RRBP1: variants seen among roughly 807,000 people sequenced by gnomAD.
The protein encoded by RRBP1 is ribosome-binding protein 1.
Under a neutral mutation model 165.2 loss-of-function variants are expected in RRBP1, and 94 were observed. The ratio of observed to expected loss-of-function variants is 0.57; its 90% CI spans 0.48 to 0.68. RRBP1 has a LOEUF of 0.68. Among genes scored for constraint, RRBP1 ranks in the 30% least tolerant of loss-of-function variants. The probability of loss-of-function intolerance (pLI) is 0.00; values close to 1 mark genes in which losing one functional copy is unlikely to be tolerated. For missense variants in RRBP1, 1,676 were observed against 1,763.0 expected (o/e 0.95, Z 0.88); for synonymous variants, 680 against 714.5 (o/e 0.95, Z 0.77).
chr20:17,627,744 T>A lies in RRBP1; in HGVS notation c.2750-62A>T, dbSNP rs866732117. ...TGCAAACCCCAGGGGGTGTGGAGGATGCCCTCACTGCTGCCCTCTTAGCAC... is the reference window on the plus strand; with the variant it reads ...TGCAAACCCCAGGGGGTGTGGAGGAAGCCCTCACTGCTGCCCTCTTAGCAC... On this transcript the variant is annotated intron_variant, in intron 9 of 24. Transcript: ENST00000377813. 33 of 1,468,462 alleles carry A rather than the reference T, an allele frequency of 2.2e-5. No homozygotes were observed. In the African/African-American group the frequency reaches 3.2e-4, roughly 14 times the overall value. 91.0% of individuals were successfully genotyped at this position (1,468,462 alleles called of 1,614,324 possible).
chr20:17,635,239 G>A (rs986688391), intron 7 of RRBP1, among the ~76,000 whole-genome samples: 4 of 152,190 alleles, frequency 2.6e-5, no homozygotes, highest in Admixed American at 6.5e-5. Context: ...TGAGAACCCC[G>A]CTAGGCAGGT....
At chr20:17,626,737 A>G (rs2036028696) in intron 11 of RRBP1, among the ~76,000 whole-genome samples, 1 of 140,400 alleles carries the variant, frequency 7.1e-6, no homozygotes, top group Non-Finnish European at 1.6e-5. Flanking sequence ...CCGGCCCCTG[A>G]CTCGAGCCAC....
intron 16 of RRBP1, 59 bp from the exon 17 acceptor site, chr20:17,620,866 C>T: frequency 8.0e-7 from 1 of 1,246,730 alleles, no homozygotes; most frequent in Non-Finnish European, 1.1e-6. Flanking sequence ...CACCACACAA[C>T]CGCATCTTCC....
intron 5 of RRBP1, among the ~76,000 whole-genome samples, chr20:17,637,397 A>T (rs2036267676): frequency 6.6e-6 from 1 of 152,030 alleles, no homozygotes; most frequent in Non-Finnish European, 1.5e-5. Context: ...CTCAACCAGA[A>T]ACCATAGGGA....
In RRBP1 at chr20:17,629,925, G is replaced by A. The variant is rs147114989; in HGVS notation, c.2647C>T (p.Arg883Cys). 2.4e-5 allele frequency: 39 copies of A among 1,599,522 alleles called. No homozygotes were observed. The highest frequency in any genetic ancestry group is 8.3e-5 in the Admixed American group (5 of 59,950). ...AGCTCCCGGCTGACCTCGTCCAGGC[G>A]CTTCTGCAGGGCCTCCTCACTCTCC... ...HRESEEALQK[R>C]LDEVSRELCH... Residue 883 changes from arginine to cysteine, a missense_variant, in exon 9 of 25, where the codon CGC becomes TGC. By Grantham distance (180) the Arg-to-Cys change is radical. Coordinates refer to ENST00000377813, the MANE Select transcript of RRBP1 (RefSeq NM_001365613.2).
chr20:17,659,298 C>T lies in RRBP1; in HGVS notation c.1210G>A (p.Gly404Ser). Residue 404 changes from glycine to serine, a missense_variant, in exon 3 of 25, where the codon GGT (glycine) becomes AGT (serine). Gly to Ser is a moderately conservative substitution (Grantham distance 56). Coordinates refer to ENST00000377813, the MANE Select transcript of RRBP1 (RefSeq NM_001365613.2). ...GAQNQGKKAE[G>S]AQNQGKKAEG... Reference sequence around the variant, plus strand: ...GCCTTTTTGCCCTGGTTCTGGGCACCCTCAGCCTTCTTGCCCTGGTTCTGG... The same window carrying T: ...GCCTTTTTGCCCTGGTTCTGGGCACTCTCAGCCTTCTTGCCCTGGTTCTGG... 1 of 1,539,222 alleles carries T rather than the reference C, an allele frequency of 6.5e-7. No individual in the cohort carries two copies. The highest frequency in any genetic ancestry group is 2.0e-5 in the Admixed American group (1 of 50,114).
intron 11 of RRBP1, among the ~76,000 whole-genome samples, chr20:17,626,279 T>C (rs979864396): frequency 6.6e-6 from 1 of 152,214 alleles, no homozygotes. Context: ...AAGAATCTGA[T>C]CTTAAAACAC....
chr20:17,617,762 C>T (rs575784584), intron 20 of RRBP1, among the ~76,000 whole-genome samples: 1 of 152,322 alleles, frequency 6.6e-6, no homozygotes, highest in East Asian at 1.9e-4. Context: ...GAGCGTGTGC[C>T]GGACTCACTG....
intron 5 of RRBP1, among the ~76,000 whole-genome samples, chr20:17,637,106 A>G (rs1385562429): frequency 6.9e-6 from 1 of 145,352 alleles, no homozygotes; most frequent in Non-Finnish European, 1.5e-5. Context: ...CCCCTGGGAC[A>G]CCTACTTCTA....
At chr20:17,680,689 G>T (rs1247043420) in intron 1 of RRBP1, among the ~76,000 whole-genome samples, 1 of 152,078 alleles carries the variant, frequency 6.6e-6, no homozygotes, top group Admixed American at 6.5e-5. Flanking sequence ...CCTGCGAGTA[G>T]GCGGCCAGTA....
chr20:17,626,848 C>T (rs563798024), intron 11 of RRBP1, among the ~76,000 whole-genome samples: 23 of 152,326 alleles, frequency 1.5e-4, no homozygotes, highest in Admixed American at 1.4e-3. Context: ...AAGGTCTGGC[C>T]AGCAGTGAAG....
chr20:17,620,820 C>A lies in RRBP1; in HGVS notation c.3415-13G>T, dbSNP rs775470542. 3.1e-6 allele frequency: 5 copies of A among 1,591,260 alleles called. No individual in the cohort carries two copies. Among genetic ancestry groups the A allele is most frequent in the African/African-American group, 1.3e-5 (1 of 74,642 alleles). On this transcript the variant is annotated splice_polypyrimidine_tract_variant and intron_variant, in intron 16 of 24. Transcript: ENST00000377813. ...TGAGCATGCCCTCCTGGGGGGAAAC[C>A]GAGGTGAGGCAGGGCCCTCTCCCTC... is the stretch of plus-strand genomic sequence containing the variant.
intron 3 of RRBP1, among the ~76,000 whole-genome samples, chr20:17,648,546 A>G (rs1185162969): frequency 6.6e-6 from 1 of 152,254 alleles, no homozygotes; most frequent in Non-Finnish European, 1.5e-5. Context: ...TTTAAGGGCA[A>G]TGGAGCTCAG....
At chr20:17,641,672 C>T (rs1196221273) in intron 5 of RRBP1, 125 bp downstream of exon 5, 1 of 1,205,232 alleles carries the variant, frequency 8.3e-7, no homozygotes, top group South Asian at 1.2e-5. Context: ...TACTCAGCAG[C>T]CTGACAGCCA....
At chr20:17,658,355 C>A (rs1343959012) in intron 3 of RRBP1, among the ~76,000 whole-genome samples, 4 of 152,166 alleles carry the variant, frequency 2.6e-5, no homozygotes, top group Non-Finnish European at 5.9e-5. Context: ...AGTCACCAAC[C>A]CAGTTAAAAC....
At position 17,624,654 on chromosome 20, in the gene RRBP1, C is replaced by T. The variant is rs1719758337; in HGVS notation, c.3069G>A (p.Lys1023=). ...QKVKNNDLRE[K]NWKAMEALAT... ...CCAGTGCCTCCATGGCCTTCCAGTTCTTCTCCCGGAGGTCCTGGAGGGGAC... is the reference window on the plus strand; with the variant it reads ...CCAGTGCCTCCATGGCCTTCCAGTTTTTCTCCCGGAGGTCCTGGAGGGGAC... The change falls in exon 13 of 25, where the codon AAG becomes AAA. Residue 1023 remains lysine, a synonymous_variant. Transcript: ENST00000377813. The T allele has an allele frequency of 6.3e-7, 1 of 1,584,476 alleles. No individual in the cohort carries two copies. The highest frequency in any genetic ancestry group is 2.3e-5 in the East Asian group (1 of 43,912).
chr20:17,615,766 C>T (rs985790222), intron 22 of RRBP1, among the ~76,000 whole-genome samples, 160 bp downstream of exon 22: 1 of 152,238 alleles, frequency 6.6e-6, no homozygotes, highest in Non-Finnish European at 1.5e-5. Flanking sequence ...CCAGCCTGTG[C>T]TCCACCTGCC....
At chr20:17,657,776 A>G (rs888097747) in intron 3 of RRBP1, among the ~76,000 whole-genome samples, 8 of 152,240 alleles carry the variant, frequency 5.3e-5, no homozygotes, top group Non-Finnish European at 1.2e-4. Context: ...ATATCTATGT[A>G]ATCCAGTGTT....
chr20:17,641,582 C>T, intron 5 of RRBP1: 2 of 605,156 alleles, frequency 3.3e-6, no homozygotes, highest in Non-Finnish European at 5.9e-6. Flanking sequence ...AAGGAAGCCA[C>T]CACGCCGTAG....
Sources: allele counts gnomAD v4.1 joint callset (sites outside exome capture counted in the v4.1 genomes callset), GRCh38; gene constraint gnomAD v4.1.1; transcripts MANE v1.5; gene names NCBI Gene and HGNC (gene_info 2026-07-23, HGNC 2026-07-21).